RRAS: variants seen among roughly 807,000 people sequenced by gnomAD.
The protein encoded by RRAS is ras-related protein R-Ras.
Under a neutral mutation model 23.3 loss-of-function variants are expected in RRAS, and 18 were observed. The observed-to-expected ratio is 0.77, with a 90% CI of 0.53 to 1.15. RRAS has a LOEUF of 1.15. RRAS is among the 50% of genes most tolerant of loss of function. RRAS has a pLI of 0.00. For missense variants in RRAS, 291 were observed against 317.1 expected (o/e 0.92, Z 0.62); for synonymous variants, 133 against 138.3 (o/e 0.96, Z 0.27).
Position 49,635,501 on chromosome 19 carries a change from G to T in RRAS, c.*75C>A, listed in dbSNP as rs2080991555. The T allele has an allele frequency of 2.2e-6, 2 of 898,634 alleles. No homozygotes were observed. The highest frequency in any genetic ancestry group is 1.7e-5 in the African/African-American group (1 of 58,780). The allele number at this position is 898,634 out of a possible 1,614,324, so 55.7% of individuals were successfully genotyped here. On this transcript the variant is annotated 3_prime_UTR_variant, in exon 6 of 6. Coordinates refer to ENST00000246792, the MANE Select transcript of RRAS (RefSeq NM_006270.5). Reference sequence around the variant, plus strand: ...ATGAGGAAATTGAGGCTCAGTGAGGGCCTCAGGTCACACAGCAAGGTGCGA... The same window carrying T: ...ATGAGGAAATTGAGGCTCAGTGAGGTCCTCAGGTCACACAGCAAGGTGCGA...
In RRAS at chr19:49,636,480, G is replaced by A. The variant is rs767263987; in HGVS notation, c.453+139C>T. 26 of 698,656 alleles carry A rather than the reference G, an allele frequency of 3.7e-5. No individual in the cohort carries two copies. The highest frequency in any genetic ancestry group is 6.4e-5 in the Non-Finnish European group (25 of 390,688). The allele number at this position is 698,656 out of a possible 1,614,324, so 43.3% of individuals were successfully genotyped here. ...GGGACCCTGAAGGTCCAGTTTGGGGGTAACCCATCTAGGTGAGCTGTGTGA... is the reference window on the plus strand; with the variant it reads ...GGGACCCTGAAGGTCCAGTTTGGGGATAACCCATCTAGGTGAGCTGTGTGA... On this transcript the variant is annotated intron_variant, in intron 4 of 5. Coordinates refer to ENST00000246792, the MANE Select transcript of RRAS (RefSeq NM_006270.5). The surrounding 1 kb of genome is among the most constrained non-coding windows in gnomAD (Gnocchi z 4.5).
chr19:49,639,861 C>G, intron 1 of RRAS, 85 bp downstream of exon 1: 2 of 1,236,162 alleles, frequency 1.6e-6, no homozygotes, highest in Admixed American at 2.3e-5. Context: ...AGTGATGGGT[C>G]AAGGGGGAAA....
Position 49,636,966 on chromosome 19 carries a change from TC to T in RRAS, c.242-41del. 1 of 1,607,872 alleles carries T rather than the reference TC, an allele frequency of 6.2e-7. No individual in the cohort carries two copies. Among genetic ancestry groups the T allele is most frequent in the South Asian group, 1.1e-5 (1 of 90,924 alleles). ...AGAGGGGCCATCGTGGGGACCAGGCTCCCCGCAGTCACCCCCAAGAGCCCTC... is the reference window on the plus strand; with the variant it reads ...AGAGGGGCCATCGTGGGGACCAGGCTCCCGCAGTCACCCCCAAGAGCCCTC... On this transcript the variant is annotated intron_variant, in intron 2 of 5. Coordinates refer to ENST00000246792, the MANE Select transcript of RRAS (RefSeq NM_006270.5). This position sits in a 1 kb window ranked among gnomAD's most constrained non-coding sequence, Gnocchi z 4.5.
chr19:49,635,344 G>A lies in RRAS; in HGVS notation c.*232C>T, dbSNP rs2080990873. On this transcript the variant is annotated 3_prime_UTR_variant, in exon 6 of 6. Transcript: ENST00000246792. ...TGGGGGAGGGGAGTTATATACAGCAGTGACCCGGAGCCCCTCACCCCCACC... is the reference window on the plus strand; with the variant it reads ...TGGGGGAGGGGAGTTATATACAGCAATGACCCGGAGCCCCTCACCCCCACC... 2.7e-6 allele frequency: 1 copy of A among 365,800 alleles called. No homozygotes were observed. Among genetic ancestry groups the A allele is most frequent in the Non-Finnish European group, 4.9e-6 (1 of 205,058 alleles). The allele number at this position is 365,800 out of a possible 1,614,324, so 22.7% of individuals were successfully genotyped here.
Position 49,635,634 on chromosome 19 carries a change from G to A in RRAS, c.599C>T (p.Pro200Leu), listed in dbSNP as rs761629413. 34 of 1,449,034 alleles carry A rather than the reference G, an allele frequency of 2.3e-5. No homozygotes were observed. The highest frequency in any genetic ancestry group is 1.9e-4 in the Middle Eastern group (1 of 5,260). 89.8% of individuals were successfully genotyped at this position (1,449,034 alleles called of 1,614,324 possible). A position where few individuals can be genotyped will look rare whatever the true frequency, so the allele number is the denominator to read the frequency against. The change falls in exon 6 of 6, where the codon CCG becomes CTG. Residue 200 changes from proline to leucine, a missense_variant. Pro to Leu is a moderately conservative substitution (Grantham distance 98). Coordinates refer to ENST00000246792, the MANE Select transcript of RRAS (RefSeq NM_006270.5). ...VRKYQEQELP[P>L]SPPSAPRKKG... ...CTTCCTGGGGGCACTGGGAGGGCTC[G>A]GTGGGAGCTCTTGTTCCTGGTATTT...
At chr19:49,637,249 T>TG in intron 1 of RRAS, 119 bp from the exon 2 acceptor site, 1 of 660,574 alleles carries the variant, frequency 1.5e-6, no homozygotes, top group Non-Finnish European at 2.7e-6. Context: ...TCCCTGTTGC[T>TG]GGGTCTCTGC....
In RRAS at chr19:49,635,338, A is replaced by G. The variant is rs548318482; in HGVS notation, c.*238T>C. On this transcript the variant is annotated 3_prime_UTR_variant, in exon 6 of 6. Transcript: ENST00000246792. ...TTTTTCTGGGGGAGGGGAGTTATAT[A>G]CAGCAGTGACCCGGAGCCCCTCACC... 1 of 358,070 alleles carries G rather than the reference A, an allele frequency of 2.8e-6. No homozygotes were observed. Among genetic ancestry groups the G allele is most frequent in the South Asian group, 1.5e-4 (1 of 6,798 alleles). The allele number at this position is 358,070 out of a possible 1,614,324, so 22.2% of individuals were successfully genotyped here. A position where few individuals can be genotyped will look rare whatever the true frequency, so the allele number is the denominator to read the frequency against.
chr19:49,637,301 C>CTTTTTTTTTTT (rs11400258), intron 1 of RRAS, among the ~76,000 whole-genome samples, 171 bp from the exon 2 acceptor site: 1 of 104,114 alleles, frequency 9.6e-6, no homozygotes, highest in East Asian at 3.0e-4. Context: ...CTCTCTGAGT[C>CTTTTTTTTTTT]TTTTTTTTTT....
rs1302826007 is a variant in RRAS at position 49,636,583 on chromosome 19, T to C, written c.453+36A>G. 1.4e-6 allele frequency: 2 copies of C among 1,458,126 alleles called. No individual in the cohort carries two copies. Among genetic ancestry groups the C allele is most frequent in the Admixed American group, 1.7e-5 (1 of 59,822 alleles). 90.3% of individuals were successfully genotyped at this position (1,458,126 alleles called of 1,614,324 possible). On this transcript the variant is annotated intron_variant, in intron 4 of 5. Transcript: ENST00000246792. This position sits in a 1 kb window ranked among gnomAD's most constrained non-coding sequence, Gnocchi z 4.5. ...GTGTGCTGGAAGGAGCCTCCCAGAC[T>C]GAGATGGGGTCCCCAGAAAGAGGGG...
At chr19:49,638,667 G>C (rs1210216497) in intron 1 of RRAS, among the ~76,000 whole-genome samples, 1 of 152,176 alleles carries the variant, frequency 6.6e-6, no homozygotes, top group African/African-American at 2.4e-5. Context: ...GAAGCTCAGG[G>C]CTGAGAACTG....
chr19:49,636,521 C>T lies in RRAS; in HGVS notation c.453+98G>A, dbSNP rs374239300. ...AGCTGTGTGACAGTGGCAGTCGCAG[C>T]ACTGCAGGAACAGAGGAGGATGCTG... On this transcript the variant is annotated intron_variant, in intron 4 of 5. Transcript: ENST00000246792. The surrounding 1 kb of genome is among the most constrained non-coding windows in gnomAD (Gnocchi z 4.5). The T allele has an allele frequency of 2.2e-6, 2 of 889,776 alleles. No individual in the cohort carries two copies. Among genetic ancestry groups the T allele is most frequent in the East Asian group, 4.9e-5 (2 of 40,946 alleles). The allele number at this position is 889,776 out of a possible 1,614,324, so 55.1% of individuals were successfully genotyped here.
chr19:49,638,704 G>A (rs1175101604), intron 1 of RRAS, among the ~76,000 whole-genome samples: 1 of 152,090 alleles, frequency 6.6e-6, no homozygotes, highest in Admixed American at 6.5e-5. Context: ...TGGCTCAGGG[G>A]TTTTGGGAGG....
chr19:49,639,954 A>G lies in RRAS; in HGVS notation c.145T>C (p.Phe49Leu), dbSNP rs151014532. The G allele has an allele frequency of 1.3e-3, 2,069 of 1,589,086 alleles. 3 individuals are homozygous for G. Among genetic ancestry groups the G allele is most frequent in the South Asian group, 1.6e-3 (145 of 89,394 alleles). Residue 49 changes from phenylalanine (F) to leucine (L), a missense_variant, in exon 1 of 6, where the codon TTC becomes CTC. Coordinates refer to ENST00000246792, the MANE Select transcript of RRAS (RefSeq NM_006270.5). ...GGGTGAGGGCCCACTACCTGGATGAACTGGATGGTCAGCGCGCTCTTGCCC... is the reference window on the plus strand; with the variant it reads ...GGGTGAGGGCCCACTACCTGGATGAGCTGGATGGTCAGCGCGCTCTTGCCC... ...GVGKSALTIQ[F>L]IQSYFVSDYD... is the part of the protein sequence containing the mutation.
rs371199792 is a variant in RRAS, at chr19:49,636,970, C to T, written c.242-44G>A. On this transcript the variant is annotated intron_variant, in intron 2 of 5. Coordinates refer to ENST00000246792, the MANE Select transcript of RRAS (RefSeq NM_006270.5). This position sits in a 1 kb window ranked among gnomAD's most constrained non-coding sequence, Gnocchi z 4.5. Reference sequence around the variant, plus strand: ...GGGCCATCGTGGGGACCAGGCTCCCCGCAGTCACCCCCAAGAGCCCTCAGC... The same window carrying T: ...GGGCCATCGTGGGGACCAGGCTCCCTGCAGTCACCCCCAAGAGCCCTCAGC... 256 of 1,607,352 alleles carry T rather than the reference C, an allele frequency of 1.6e-4. No homozygotes were observed. The highest frequency in any genetic ancestry group is 5.5e-4 in the African/African-American group (41 of 74,818).
chr19:49,637,556 G>C (rs1051632203), intron 1 of RRAS, among the ~76,000 whole-genome samples: 1 of 151,748 alleles, frequency 6.6e-6, no homozygotes, highest in Non-Finnish European at 1.5e-5. Flanking sequence ...TGATCCGCCC[G>C]CCTGGGTCTC....
In RRAS at chr19:49,636,390, T is replaced by C. The variant is rs2080996263; in HGVS notation, c.453+229A>G. Among the ~76,000 whole-genome samples the C allele has an allele frequency of 6.6e-6, 1 of 152,060 alleles. No homozygotes were observed. The highest frequency in any genetic ancestry group is 6.6e-5 in the Admixed American group (1 of 15,266). On this transcript the variant is annotated intron_variant, in intron 4 of 5. Transcript: ENST00000246792. This position sits in a 1 kb window ranked among gnomAD's most constrained non-coding sequence, Gnocchi z 4.5. Reference sequence around the variant, plus strand: ...GCTGGCGGACGGGGGGTGAATGTCCTTTGTTCCGTCCAGCAGCCTCTCCTG... The same window carrying C: ...GCTGGCGGACGGGGGGTGAATGTCCCTTGTTCCGTCCAGCAGCCTCTCCTG...
chr19:49,639,880 C>A lies in RRAS; in HGVS notation c.153+66G>T, dbSNP rs948275444. 8.4e-6 allele frequency: 12 copies of A among 1,423,224 alleles called. No homozygotes were observed. The Middle Eastern group carries it at 1.4e-3, about 167-fold the overall frequency. 88.2% of individuals were successfully genotyped at this position (1,423,224 alleles called of 1,614,324 possible). A position where few individuals can be genotyped will look rare whatever the true frequency, so the allele number is the denominator to read the frequency against. On this transcript the variant is annotated intron_variant, in intron 1 of 5. Transcript: ENST00000246792. The stretch of plus-strand genomic sequence containing the variant: ...ATGGGTCAAGGGGGAAAAGGGGTCT[C>A]GGGGATCCCCCCAAGGGCTCAGTTC...
At position 49,637,219 on chromosome 19, in the gene RRAS, CCTCT is replaced by C. The variant is rs1226655923; in HGVS notation, c.154-93_154-90del. 3.2e-6 allele frequency: 3 copies of C among 927,558 alleles called. No individual in the cohort carries two copies. The African/African-American group carries it at 4.9e-5, about 15-fold the overall frequency. 57.5% of individuals were successfully genotyped at this position (927,558 alleles called of 1,614,324 possible). Reference sequence around the variant, plus strand: ...TGGGATGCCTCTCTCAGTCTCTGTCCCTCTCTCTCTAAATGTCTGTCCCTGTTGC... The same window carrying C: ...TGGGATGCCTCTCTCAGTCTCTGTCCCTCTCTAAATGTCTGTCCCTGTTGC... On this transcript the variant is annotated intron_variant, in intron 1 of 5. Transcript: ENST00000246792.
chr19:49,638,896 G>A (rs1357241108), intron 1 of RRAS, among the ~76,000 whole-genome samples: 3 of 151,960 alleles, frequency 2.0e-5, no homozygotes, highest in Non-Finnish European at 4.4e-5. Context: ...ATGGGATGGA[G>A]GAGGGGCTGG....
Sources: allele counts gnomAD v4.1 joint callset (sites outside exome capture counted in the v4.1 genomes callset), GRCh38; gene constraint gnomAD v4.1.1; non-coding constraint Gnocchi (gnomAD v3.1); transcripts MANE v1.5; gene names NCBI Gene and HGNC (gene_info 2026-07-23, HGNC 2026-07-21).